The following TMX4 variants were observed in gnomAD, a reference collection of about 807,000 sequenced individuals.
The protein encoded by TMX4 is thioredoxin related transmembrane protein 4.
TMX4 carries 23 observed loss-of-function variants against 33.3 expected under a neutral mutation model. The observed-to-expected ratio is 0.69, with a 90% CI of 0.50 to 0.98. TMX4 has a LOEUF of 0.98. Ranked by LOEUF, TMX4 falls within the 50% of genes least tolerant of loss-of-function variation. TMX4 has a pLI of 0.00. For missense variants in TMX4, 399 were observed against 448.9 expected (o/e 0.89, Z 1.01); for synonymous variants, 164 against 161.5 (o/e 1.02, Z -0.12).
At chr20:8,001,582 C>A in intron 2 of TMX4, 41 bp from the exon 3 acceptor site, 1 of 1,563,162 alleles carries the variant, frequency 6.4e-7, no homozygotes, top group East Asian at 2.3e-5. Flanking sequence ...CACTTAAGTC[C>A]TCCAAAAAAA....
chr20:7,986,652 C>T (rs2050632048), intron 6 of TMX4, among the ~76,000 whole-genome samples: 1 of 152,112 alleles, frequency 6.6e-6, no homozygotes, highest in African/African-American at 2.4e-5. Flanking sequence ...AGAAGTACAA[C>T]ATGCTGAACA....
intron 1 of TMX4, among the ~76,000 whole-genome samples, chr20:8,012,175 T>A (rs6133525): frequency 2.0e-5 from 3 of 152,056 alleles, no homozygotes; most frequent in African/African-American, 7.2e-5. Flanking sequence ...AGAGTTCTGC[T>A]ATAACAATCA....
intron 5 of TMX4, among the ~76,000 whole-genome samples, chr20:7,992,613 C>G (rs994957237): frequency 6.6e-6 from 1 of 152,114 alleles, no homozygotes; most frequent in African/African-American, 2.4e-5. Context: ...GTTAAGAAGG[C>G]CAAATGCAAA....
rs781342132 is a variant in TMX4 at position 7,977,760 on chromosome 20, T to C, written c.*4491A>G. On this transcript the variant is annotated 3_prime_UTR_variant, in exon 8 of 8. Transcript: ENST00000246024. ...CAATGTTTTTAGTATAAAAATTGCA[T>C]TTCCACAAAGAAGCTAATAACAAAT... 2.6e-5 allele frequency: 4 copies of C among 152,262 alleles called. No homozygotes were observed. The highest frequency in any genetic ancestry group is 4.4e-5 in the Non-Finnish European group (3 of 68,050). 9.4% of individuals were successfully genotyped at this position (152,262 alleles called of 1,614,324 possible). A position where few individuals can be genotyped will look rare whatever the true frequency, so the allele number is the denominator to read the frequency against.
intron 1 of TMX4, among the ~76,000 whole-genome samples, chr20:8,012,680 C>A (rs2050757762): frequency 6.8e-6 from 1 of 147,490 alleles, no homozygotes; most frequent in African/African-American, 2.4e-5. Flanking sequence ...GGCACATTTG[C>A]TGCATCAGTA....
chr20:8,018,042 G>T (rs1178312000), intron 1 of TMX4, among the ~76,000 whole-genome samples: 1 of 151,768 alleles, frequency 6.6e-6, no homozygotes, highest in Non-Finnish European at 1.5e-5. Flanking sequence ...TCTGCTGTGT[G>T]ACATAAATTT....
chr20:8,014,211 G>C (rs972480526), intron 1 of TMX4, among the ~76,000 whole-genome samples: 1 of 152,240 alleles, frequency 6.6e-6, no homozygotes, highest in Non-Finnish European at 1.5e-5. Context: ...TGGAATTCAT[G>C]ACTTTCACTA....
At position 7,987,377 on chromosome 20, in the gene TMX4, A is replaced by G; in HGVS notation, c.526T>C (p.Tyr176His). ...GGAATTCCAAGAGTCACTGTGAAAT[A>G]GTTGTGAAGATGCTGGAATCAGAAG... ...ISGKIWHLHN[Y>H]FTVTLGIPAW... Residue 176 changes from tyrosine (Y) to histidine (H), a missense_variant, in exon 6 of 8, where the codon TAT becomes CAT. Tyr to His is a moderately conservative substitution (Grantham distance 83). Transcript: ENST00000246024. 6.3e-7 allele frequency: 1 copy of G among 1,579,292 alleles called. No individual in the cohort carries two copies. Among genetic ancestry groups the G allele is most frequent in the Non-Finnish European group, 8.5e-7 (1 of 1,171,046 alleles).
At position 8,019,715 on chromosome 20, in the gene TMX4, G is replaced by T. The variant is rs913678090; in HGVS notation, c.-102C>A. ...CGGGTTTTTCAAGGAAGCGGGAGAC[G>T]CAAGGGCCACCCCGCCTACGCCTAG... On this transcript the variant is annotated 5_prime_UTR_variant, in exon 1 of 8. Transcript: ENST00000246024. 4 of 1,042,832 alleles carry T rather than the reference G, an allele frequency of 3.8e-6. No homozygotes were observed. Among genetic ancestry groups the T allele is most frequent in the Non-Finnish European group, 3.7e-6 (3 of 804,312 alleles). The allele number at this position is 1,042,832 out of a possible 1,614,324, so 64.6% of individuals were successfully genotyped here.
At chr20:8,010,630 AG>A (rs1461359001) in intron 1 of TMX4, among the ~76,000 whole-genome samples, 1 of 152,120 alleles carries the variant, frequency 6.6e-6, no homozygotes, top group African/African-American at 2.4e-5. Flanking sequence ...TTGATCTTTG[AG>A]GGTAAGAGCT....
At chr20:8,019,099 C>T in intron 1 of TMX4, 1 of 482,894 alleles carries the variant, frequency 2.1e-6, no homozygotes, top group East Asian at 6.4e-5. Flanking sequence ...CTATGGGAAG[C>T]TGCCCACTCC....
At chr20:8,010,105 A>G in intron 2 of TMX4, 95 bp downstream of exon 2, 1 of 985,382 alleles carries the variant, frequency 1.0e-6, no homozygotes, top group Non-Finnish European at 1.6e-6. Flanking sequence ...ATGGGTAATC[A>G]ATATCCCAGA....
rs2050584372 is a variant in TMX4, at chr20:7,977,355, G to A, written c.*4896C>T. ...GAATGAACAGACTAGATGGAGGATGGACACGAAGGAAAATTTTTTTTAACA... is the reference window on the plus strand; with the variant it reads ...GAATGAACAGACTAGATGGAGGATGAACACGAAGGAAAATTTTTTTTAACA... On this transcript the variant is annotated 3_prime_UTR_variant, in exon 8 of 8. Coordinates refer to ENST00000246024, the MANE Select transcript of TMX4 (RefSeq NM_021156.4). 1.3e-5 allele frequency: 2 copies of A among 152,204 alleles called. No homozygotes were observed. The highest frequency in any genetic ancestry group is 6.5e-5 in the Admixed American group (1 of 15,288). 9.4% of individuals were successfully genotyped at this position (152,204 alleles called of 1,614,324 possible). A position where few individuals can be genotyped will look rare whatever the true frequency, so the allele number is the denominator to read the frequency against.
rs182750069 is a variant in TMX4, at chr20:8,018,480, G to A, written c.176+958C>T. Among the ~76,000 whole-genome samples the A allele has an allele frequency of 2.8e-4, 14 of 49,402 alleles. 1 individual carries two copies. The highest frequency in any genetic ancestry group is 8.6e-3 in the East Asian group (2 of 232). The allele number at this position is 49,402 out of a possible 152,430, so 32.4% of individuals were successfully genotyped here. A position where few individuals can be genotyped will look rare whatever the true frequency, so the allele number is the denominator to read the frequency against. On this transcript the variant is annotated intron_variant, in intron 1 of 7. Coordinates refer to ENST00000246024, the MANE Select transcript of TMX4 (RefSeq NM_021156.4). ...GGAGGGAGGGAGGGAGGGAGGGAGG[G>A]GGAGAGAGAGAGAGAGAGAGAGAGA...
rs1428782009 is a variant in TMX4 at position 7,981,494 on chromosome 20, T to C, written c.*757A>G. On this transcript the variant is annotated 3_prime_UTR_variant, in exon 8 of 8. Coordinates refer to ENST00000246024, the MANE Select transcript of TMX4 (RefSeq NM_021156.4). ...GTCTCTGATGGCCACAACATTTCAT[T>C]TGAGATGTTTGGCAGTCACAGCTTC... The C allele has an allele frequency of 6.6e-6, 1 of 152,164 alleles. No homozygotes were observed. The highest frequency in any genetic ancestry group is 1.5e-5 in the Non-Finnish European group (1 of 68,028). The allele number at this position is 152,164 out of a possible 1,614,324, so 9.4% of individuals were successfully genotyped here. A position where few individuals can be genotyped will look rare whatever the true frequency, so the allele number is the denominator to read the frequency against.
Position 7,980,389 on chromosome 20 carries a change from G to A in TMX4, c.*1862C>T, listed in dbSNP as rs2050600009. The A allele has an allele frequency of 6.6e-6, 1 of 152,178 alleles. No homozygotes were observed. The highest frequency in any genetic ancestry group is 1.5e-5 in the Non-Finnish European group (1 of 68,056). 9.4% of individuals were successfully genotyped at this position (152,178 alleles called of 1,614,324 possible). ...AGAGAAAGAAATCCAGTGACACGAGGGCAGGCAGGCCCCGCTCTGCTCTGA... is the reference window on the plus strand; with the variant it reads ...AGAGAAAGAAATCCAGTGACACGAGAGCAGGCAGGCCCCGCTCTGCTCTGA... On this transcript the variant is annotated 3_prime_UTR_variant, in exon 8 of 8. Coordinates refer to ENST00000246024, the MANE Select transcript of TMX4 (RefSeq NM_021156.4).
At chr20:8,006,902 A>C (rs1183970801) in intron 2 of TMX4, among the ~76,000 whole-genome samples, 9 of 152,044 alleles carry the variant, frequency 5.9e-5, no homozygotes, top group Non-Finnish European at 1.3e-4. Context: ...AGTAGCTGGA[A>C]TTATAGGCAC....
chr20:8,000,850 T>C (rs184102580), intron 3 of TMX4, among the ~76,000 whole-genome samples: 150 of 152,312 alleles, frequency 9.8e-4, no homozygotes, highest in African/African-American at 3.5e-3. Context: ...TCTTTTGCAT[T>C]TTTGTCTCTA....
At chr20:7,996,937 AG>A (rs1230157333) in intron 4 of TMX4, among the ~76,000 whole-genome samples, 2 of 152,160 alleles carry the variant, frequency 1.3e-5, no homozygotes, top group African/African-American at 4.8e-5. Context: ...TCACCACTAC[AG>A]GAACAGATTG....
Sources: allele counts gnomAD v4.1 joint callset (sites outside exome capture counted in the v4.1 genomes callset), GRCh38; gene constraint gnomAD v4.1.1; transcripts MANE v1.5; gene names NCBI Gene and HGNC (gene_info 2026-07-23, HGNC 2026-07-21).